Variants in MAEL observed in about 807,000 individuals in gnomAD.
MAEL encodes the protein maelstrom spermatogenic transposon silencer.
MAEL carries 46 observed loss-of-function variants against 62.0 expected under a neutral mutation model. The ratio of observed to expected loss-of-function variants is 0.74; its 90% CI spans 0.59 to 0.95. MAEL has a LOEUF of 0.95. Ranked by LOEUF, MAEL falls within the 40% of genes least tolerant of loss-of-function variation. The pLI, the probability that MAEL is intolerant of heterozygous loss-of-function variation, is 0.00. For missense variants in MAEL, 497 were observed against 526.8 expected (o/e 0.94, Z 0.55); for synonymous variants, 172 against 175.5 (o/e 0.98, Z 0.16).
chr1:167,001,814 C>T (rs549311932), intron 5 of MAEL, among the ~76,000 whole-genome samples: 63 of 152,340 alleles, frequency 4.1e-4, no homozygotes, highest in African/African-American at 1.4e-3. Flanking sequence ...CAGAGTCTCA[C>T]TCCATCACCC....
At chr1:166,998,047 T>C (rs140920786) in intron 5 of MAEL, among the ~76,000 whole-genome samples, 2 of 152,324 alleles carry the variant, frequency 1.3e-5, no homozygotes, top group Non-Finnish European at 2.9e-5. Flanking sequence ...TCTGTTCTGT[T>C]CTACTTTTTT....
intron 1 of MAEL, among the ~76,000 whole-genome samples, chr1:166,980,201 T>C (rs1663718387): frequency 6.6e-6 from 1 of 152,074 alleles, no homozygotes; most frequent in Non-Finnish European, 1.5e-5. Flanking sequence ...ATTTGTATTT[T>C]TTTTTTTAGA....
At chr1:167,008,151 T>G (rs1247839334) in intron 8 of MAEL, among the ~76,000 whole-genome samples, 4 of 152,230 alleles carry the variant, frequency 2.6e-5, no homozygotes, top group African/African-American at 7.2e-5. Flanking sequence ...GTTGAGTTGT[T>G]TCCAAAGACT....
Position 166,981,277 on chromosome 1 carries a change from T to C in MAEL, c.-121+5611T>C, listed in dbSNP as rs544077704. The stretch of plus-strand genomic sequence containing the variant: ...GATCAATGTGTACTTGTCTAATTAA[T>C]TACAAACTGCCCCCAGTGTATTCAT... On this transcript the variant is annotated intron_variant, in intron 1 of 12. Coordinates refer to the MAEL transcript ENST00000622874. Among the ~76,000 whole-genome samples, 185 of 152,338 alleles carry C rather than the reference T, an allele frequency of 1.2e-3. 1 individual carries two copies. Among genetic ancestry groups the C allele is most frequent in the African/African-American group, 4.2e-3 (175 of 41,564 alleles).
At chr1:167,017,195 C>T (rs963723710) in intron 9 of MAEL, among the ~76,000 whole-genome samples, 3 of 152,142 alleles carry the variant, frequency 2.0e-5, no homozygotes, top group African/African-American at 7.2e-5. Flanking sequence ...TACCACCTTC[C>T]ATGATGCGAT....
At chr1:167,005,046 GTTTTGTT>G (rs1447513455) in intron 6 of MAEL, 23 bp from the exon 7 acceptor site, 1 of 1,604,930 alleles carries the variant, frequency 6.2e-7, no homozygotes, top group South Asian at 1.1e-5. Context: ...TAGTTTTTTT[GTTTTGTT>G]TTTTGTTTTT....
intron 8 of MAEL, among the ~76,000 whole-genome samples, chr1:167,015,145 G>A (rs1571276610): frequency 6.6e-6 from 1 of 151,780 alleles, no homozygotes; most frequent in South Asian, 2.1e-4. Flanking sequence ...ACAGAAGAGT[G>A]TATAGAAAGG....
chr1:167,022,126 T>C lies in MAEL; in HGVS notation c.*271T>C, dbSNP rs564771505. The C allele has an allele frequency of 9.6e-6, 3 of 312,126 alleles. No individual in the cohort carries two copies. The highest frequency in any genetic ancestry group is 6.4e-5 in the African/African-American group (3 of 46,766). 19.3% of individuals were successfully genotyped at this position (312,126 alleles called of 1,614,324 possible). A position where few individuals can be genotyped will look rare whatever the true frequency, so the allele number is the denominator to read the frequency against. ...CCTATATGAACAAAACTGACATTTT[T>C]AGAGTTGTACTTTTGGGAATGTTAT... On this transcript the variant is annotated 3_prime_UTR_variant, in exon 12 of 12. Transcript: ENST00000367872.
intron 1 of MAEL, among the ~76,000 whole-genome samples, chr1:166,981,728 A>C (rs1663764446): frequency 6.6e-6 from 1 of 152,220 alleles, no homozygotes; most frequent in African/African-American, 2.4e-5. Flanking sequence ...CACAAGCAAT[A>C]GGCAGAGGTG....
rs1305920347 is a variant in MAEL at position 166,989,346 on chromosome 1, C to T, written c.-7C>T. The T allele has an allele frequency of 6.2e-7, 1 of 1,607,508 alleles. No individual in the cohort carries two copies. Among genetic ancestry groups the T allele is most frequent in the Non-Finnish European group, 8.5e-7 (1 of 1,177,202 alleles). ...TGTCTGAGGCCAGGAAGTTTGACCG[C>T]GCTGCCATGCCGAACCGTAAGGCCA... On this transcript the variant is annotated 5_prime_UTR_variant, in exon 1 of 12. Transcript: ENST00000367872.
intron 8 of MAEL, among the ~76,000 whole-genome samples, chr1:167,008,958 G>C (rs1024658308): frequency 8.1e-6 from 1 of 123,498 alleles, no homozygotes; most frequent in African/African-American, 3.8e-5. Context: ...TTTTTTTGCT[G>C]ACTTAATATA....
Sources: gnomAD v4.1 joint callset for allele counts (sites outside exome capture counted in the v4.1 genomes callset) on GRCh38, gnomAD v4.1.1 for gene constraint, MANE v1.5 for transcripts, NCBI Gene and HGNC (gene_info 2026-07-23, HGNC 2026-07-21) for gene names.